Variants in ZSWIM6 observed in about 807,000 individuals in gnomAD.
ZSWIM6 encodes zinc finger SWIM-type containing 6.
ZSWIM6 carries 9 observed loss-of-function variants against 113.2 expected under a neutral mutation model. The ratio of observed to expected loss-of-function variants is 0.08; its 90% CI spans 0.05 to 0.14. The LOEUF is 0.14. Among genes scored for constraint, ZSWIM6 ranks in the 10% least tolerant of loss-of-function variants. ZSWIM6 has a pLI of 1.00. For missense variants in ZSWIM6, 1,162 were observed against 1,552.2 expected (o/e 0.75, Z 4.22); for synonymous variants, 611 against 606.5 (o/e 1.01, Z -0.11).
chr5:61,374,266 C>T (rs1745323026), intron 1 of ZSWIM6, among the ~76,000 whole-genome samples: 1 of 152,132 alleles, frequency 6.6e-6, no homozygotes, highest in Non-Finnish European at 1.5e-5. Flanking sequence ...CTTTAGCTTC[C>T]ATTTTAAGAA....
chr5:61,383,630 A>C (rs1745530747), intron 1 of ZSWIM6, among the ~76,000 whole-genome samples: 1 of 151,342 alleles, frequency 6.6e-6, no homozygotes, highest in South Asian at 2.1e-4. Context: ...CCGCCTCCCC[A>C]GTTCAAGTAG....
intron 1 of ZSWIM6, among the ~76,000 whole-genome samples, chr5:61,447,606 A>C (rs1395837843): frequency 6.6e-6 from 1 of 152,180 alleles, no homozygotes; most frequent in African/African-American, 2.4e-5. Flanking sequence ...ACCCACCTCC[A>C]GCCAAAAAAG....
rs74962191 is a variant in ZSWIM6 at position 61,358,882 on chromosome 5, T to C, written c.676+25934T>C. ...CACTGGGGTAGGAGGTGATTTCTAA[T>C]TGTAGATAAGCTGCTAACAGGCTAG... On this transcript the variant is annotated intron_variant, in intron 1 of 13. Transcript: ENST00000252744. Among the ~76,000 whole-genome samples the C allele has an allele frequency of 9.9e-4, 151 of 152,284 alleles. 3 individuals carry two copies. In the East Asian group the frequency reaches 0.028, roughly 28 times the overall value.
intron 1 of ZSWIM6, among the ~76,000 whole-genome samples, chr5:61,409,046 G>C (rs1034979053): frequency 7.2e-6 from 1 of 139,538 alleles, no homozygotes; most frequent in African/African-American, 2.6e-5. Context: ...TATGATTATA[G>C]ATTTTCTTTG....
intron 1 of ZSWIM6, among the ~76,000 whole-genome samples, chr5:61,362,873 C>T (rs1241636764): frequency 6.6e-6 from 1 of 152,168 alleles, no homozygotes; most frequent in Non-Finnish European, 1.5e-5. Context: ...ACATCACAAC[C>T]CAGTACACAC....
intron 1 of ZSWIM6, among the ~76,000 whole-genome samples, chr5:61,339,213 C>G (rs1031118539): frequency 6.6e-6 from 1 of 152,140 alleles, no homozygotes; most frequent in Non-Finnish European, 1.5e-5. Context: ...ATGAGACCAG[C>G]CTGGGCAACA....
intron 2 of ZSWIM6, among the ~76,000 whole-genome samples, chr5:61,477,252 C>A (rs1343769206): frequency 6.6e-6 from 1 of 152,146 alleles, no homozygotes; most frequent in Non-Finnish European, 1.5e-5. Flanking sequence ...AGGAAAGGAT[C>A]ATTTCAGTGG....
At chr5:61,492,483 T>G (rs981915773) in intron 3 of ZSWIM6, among the ~76,000 whole-genome samples, 14 of 152,124 alleles carry the variant, frequency 9.2e-5, no homozygotes, top group Admixed American at 8.5e-4. Flanking sequence ...GTTATTTTAC[T>G]TCTCTGAGGC....
At chr5:61,424,749 A>G (rs1465846525) in intron 1 of ZSWIM6, among the ~76,000 whole-genome samples, 2 of 128,056 alleles carry the variant, frequency 1.6e-5, no homozygotes, top group African/African-American at 6.0e-5. Context: ...TTTTTTGGAG[A>G]TGGAGTTTTG....
chr5:61,544,337 GTGGGGGGTGGGGA>G lies in ZSWIM6; in HGVS notation c.*25_*37del. ...GGTTGATAGATCTTGTATGAATGGG[GTGGGGGGTGGGGA>G]TGGGAGGGATGGTTTGTTTTTACTT... On this transcript the variant is annotated 3_prime_UTR_variant, in exon 14 of 14. Coordinates refer to ENST00000252744, the MANE Select transcript of ZSWIM6 (RefSeq NM_020928.2). 5 of 136,506 alleles carry G rather than the reference GTGGGGGGTGGGGA, an allele frequency of 3.7e-5. No individual in the cohort carries two copies. Among genetic ancestry groups the G allele is most frequent in the South Asian group, 2.4e-4 (1 of 4,248 alleles). 8.5% of individuals were successfully genotyped at this position (136,506 alleles called of 1,614,324 possible).
At chr5:61,464,591 C>T (rs1747395026) in intron 1 of ZSWIM6, among the ~76,000 whole-genome samples, 1 of 152,038 alleles carries the variant, frequency 6.6e-6, no homozygotes. Context: ...AATGTGAGGA[C>T]TCATGTTGGG....
At chr5:61,379,453 A>G (rs1185262455) in intron 1 of ZSWIM6, among the ~76,000 whole-genome samples, 1 of 152,036 alleles carries the variant, frequency 6.6e-6, no homozygotes, top group African/African-American at 2.4e-5. Flanking sequence ...AATTGTAGGG[A>G]TTTACTTGTG....
intron 5 of ZSWIM6, among the ~76,000 whole-genome samples, chr5:61,524,003 T>A (rs1749210815): frequency 6.6e-6 from 1 of 152,222 alleles, no homozygotes; most frequent in South Asian, 2.1e-4. Flanking sequence ...ACTCACTCTT[T>A]TAATACATGC....
At chr5:61,511,656 G>A (rs550330860) in intron 4 of ZSWIM6, among the ~76,000 whole-genome samples, 14 of 152,148 alleles carry the variant, frequency 9.2e-5, no homozygotes, top group Admixed American at 9.2e-4. Context: ...ATCTATGAGG[G>A]GCATGCCCTC....
intron 1 of ZSWIM6, among the ~76,000 whole-genome samples, chr5:61,460,019 A>G (rs1025456698): frequency 1.2e-4 from 18 of 152,358 alleles, no homozygotes; most frequent in African/African-American, 4.3e-4. Flanking sequence ...ACTGTGCTGC[A>G]AATAACAACA....
rs183199321 is a variant in ZSWIM6, at chr5:61,423,843, C to G, written c.677-48838C>G. On this transcript the variant is annotated intron_variant, in intron 1 of 13. Transcript: ENST00000252744. ...TTTCCTTTTCATTAAAAATTCACTT[C>G]CCCCCACTCCCCATGCAAGAATTTC... is the stretch of plus-strand genomic sequence containing the variant. 2.8e-3 allele frequency among the ~76,000 whole-genome samples: 429 copies of G among 152,254 alleles called. 2 individuals carry two copies. The highest frequency in any genetic ancestry group is 9.1e-3 in the South Asian group (44 of 4,830).
intron 1 of ZSWIM6, among the ~76,000 whole-genome samples, chr5:61,401,551 G>T (rs1745939030): frequency 6.6e-6 from 1 of 151,972 alleles, no homozygotes; most frequent in Non-Finnish European, 1.5e-5. Context: ...TATGAGATAG[G>T]TTAAAAAATC....
chr5:61,401,753 T>C (rs1332621325), intron 1 of ZSWIM6, among the ~76,000 whole-genome samples: 1 of 152,218 alleles, frequency 6.6e-6, no homozygotes, highest in East Asian at 1.9e-4. Flanking sequence ...TGTAATATAA[T>C]TTACTTAGTT....
rs1446165351 is a variant in ZSWIM6 at position 61,332,709 on chromosome 5, G to C, written c.437G>C (p.Gly146Ala). 2.1e-6 allele frequency: 2 copies of C among 971,566 alleles called. No homozygotes were observed. Among genetic ancestry groups the C allele is most frequent in the Middle Eastern group, 5.3e-4 (1 of 1,880 alleles). 60.2% of individuals were successfully genotyped at this position (971,566 alleles called of 1,614,324 possible). The change falls in exon 1 of 14, where the codon GGC becomes GCC. Residue 146 changes from glycine to alanine, a missense_variant. By Grantham distance (60) the Gly-to-Ala change is moderately conservative. Transcript: ENST00000252744. ...GPGDDSGGGG[G>A]AGGGGGGGSS... Reference sequence around the variant, plus strand: ...GGCGACGACAGCGGTGGCGGCGGCGGCGCGGGCGGCGGCGGCGGCGGCGGC... The same window carrying C: ...GGCGACGACAGCGGTGGCGGCGGCGCCGCGGGCGGCGGCGGCGGCGGCGGC...
Sources: gnomAD v4.1 joint callset for allele counts (sites outside exome capture counted in the v4.1 genomes callset) on GRCh38, gnomAD v4.1.1 for gene constraint, MANE v1.5 for transcripts, NCBI Gene and HGNC (gene_info 2026-07-23, HGNC 2026-07-21) for gene names.